The following TTC39C variants were observed in gnomAD, a reference collection of about 807,000 sequenced individuals.
TTC39C encodes the protein tetratricopeptide repeat domain 39C.
In TTC39C, 33 loss-of-function variants were observed where a neutral mutation model predicts 76.3. That is an observed-to-expected ratio of 0.43 (90% CI 0.33 to 0.58). The LOEUF is 0.58. TTC39C is among the 20% of genes least tolerant of loss of function. The probability of loss-of-function intolerance (pLI) is 0.04; values close to 1 mark genes in which losing one functional copy is unlikely to be tolerated. For missense variants in TTC39C, 595 were observed against 701.4 expected, an observed-to-expected ratio of 0.85 and a Z score of 1.71; for synonymous variants, 254 against 260.6, an observed-to-expected ratio of 0.97 and a Z score of 0.24.
At chr18:24,092,204 AT>A (rs1270581390) in intron 6 of TTC39C, among the ~76,000 whole-genome samples, 1 of 151,992 alleles carries the variant, frequency 6.6e-6, no homozygotes, top group Non-Finnish European at 1.5e-5. Flanking sequence ...AAGGAAACAA[AT>A]CAAAACCAAG....
intron 1 of TTC39C, among the ~76,000 whole-genome samples, chr18:24,038,456 T>C (rs76616099): frequency 6.6e-6 from 1 of 152,106 alleles, no homozygotes; most frequent in East Asian, 1.9e-4. Flanking sequence ...CTAATTTTTG[T>C]AGTTTTTGTA....
chr18:24,132,068 G>A (rs1490445869), intron 13 of TTC39C, 148 bp downstream of exon 13: 4 of 680,778 alleles, frequency 5.9e-6, no homozygotes, highest in African/African-American at 3.7e-5. Context: ...GAATCAGTGA[G>A]CTCTTGAGTT....
At chr18:24,118,087 T>G (rs962943514) in intron 7 of TTC39C, 38 bp from the exon 8 acceptor site, 1 of 1,557,014 alleles carries the variant, frequency 6.4e-7, no homozygotes. Flanking sequence ...TAGAGCTCAG[T>G]ACTTTAGGGT....
At chr18:24,068,175 G>A (rs2084191647) in intron 3 of TTC39C, among the ~76,000 whole-genome samples, 3 of 152,150 alleles carry the variant, frequency 2.0e-5, no homozygotes, top group Admixed American at 2.0e-4. Context: ...ATGAGTCCTT[G>A]CAATTTAAAA....
intron 12 of TTC39C, 116 bp from the exon 13 acceptor site, chr18:24,131,766 G>C (rs528660293): frequency 2.7e-6 from 2 of 742,550 alleles, no homozygotes; most frequent in East Asian, 5.5e-5. Context: ...ATGAACAGTT[G>C]ACTCATTGCT....
chr18:24,095,544 C>T (rs1051095834), intron 6 of TTC39C, among the ~76,000 whole-genome samples: 5 of 151,952 alleles, frequency 3.3e-5, no homozygotes, highest in African/African-American at 1.2e-4. Context: ...ACTAAAAATA[C>T]AAAAATTAGC....
chr18:24,088,024 G>T (rs1346770691), intron 6 of TTC39C, among the ~76,000 whole-genome samples: 1 of 152,190 alleles, frequency 6.6e-6, no homozygotes, highest in Non-Finnish European at 1.5e-5. Context: ...CAGAAATGAT[G>T]TTGGTTATCA....
In TTC39C at chr18:24,040,029, C is replaced by G. The variant is rs554648029; in HGVS notation, c.168-24111C>G. Among the ~76,000 whole-genome samples the G allele has an allele frequency of 2.0e-5, 3 of 152,258 alleles. No homozygotes were observed. In the East Asian group the frequency reaches 5.8e-4, roughly 29 times the overall value. On this transcript the variant is annotated intron_variant, in intron 1 of 13. Coordinates refer to ENST00000317571, the MANE Select transcript of TTC39C (RefSeq NM_001135993.2). Reference sequence around the variant, plus strand: ...AAATGTTACACCAATTATTTTAACTCTCTTGGGAAAGAAATGTATGTAGTA... The same window carrying G: ...AAATGTTACACCAATTATTTTAACTGTCTTGGGAAAGAAATGTATGTAGTA...
At chr18:24,002,780 GC>G (rs919880654) in intron 1 of TTC39C, among the ~76,000 whole-genome samples, 50 of 152,130 alleles carry the variant, frequency 3.3e-4, no homozygotes, top group African/African-American at 1.1e-3. Context: ...CCCTGCAGAT[GC>G]CTGAGATCCA....
At chr18:24,040,101 G>A (rs4239439) in intron 1 of TTC39C, among the ~76,000 whole-genome samples, 90,220 of 152,062 alleles carry the variant, frequency 0.59, 30,952 homozygotes, top group Non-Finnish European at 0.79. Context: ...GTAATCGGAG[G>A]CCTCTTGATT....
chr18:24,080,553 T>C (rs1385341045), intron 4 of TTC39C, 32 bp from the exon 5 acceptor site: 1 of 1,490,246 alleles, frequency 6.7e-7, no homozygotes, highest in East Asian at 2.3e-5. Flanking sequence ...ATTTTGAATG[T>C]TTTTGAATCT....
intron 6 of TTC39C, among the ~76,000 whole-genome samples, chr18:24,093,597 C>T (rs537371747): frequency 1.3e-5 from 2 of 152,092 alleles, no homozygotes; most frequent in South Asian, 4.1e-4. Flanking sequence ...CTAAGATATA[C>T]AGGCATACAT....
intron 6 of TTC39C, among the ~76,000 whole-genome samples, chr18:24,092,123 A>AAAAAAAAAAT (rs1555775346): frequency 2.0e-5 from 1 of 50,504 alleles, no homozygotes; most frequent in African/African-American, 5.0e-5. Flanking sequence ...AAAAAAAAAA[A>AAAAAAAAAAT]AATAATAATA....
At chr18:24,077,373 A>G (rs1331872500) in intron 4 of TTC39C, 1 of 152,172 alleles carries the variant, frequency 6.6e-6, no homozygotes, top group Non-Finnish European at 1.5e-5. Flanking sequence ...TGCACTCTCT[A>G]ATTTATTTAT....
chr18:24,019,886 C>A, intron 1 of TTC39C: 1 of 1,526,800 alleles, frequency 6.5e-7, no homozygotes. Flanking sequence ...TCTGAGAAAA[C>A]CTCAGCGCTT....
intron 3 of TTC39C, 128 bp from the exon 4 acceptor site, chr18:24,069,029 C>T: frequency 1.4e-6 from 1 of 697,486 alleles, no homozygotes; most frequent in Non-Finnish European, 2.4e-6. Flanking sequence ...TAAATTTGGG[C>T]TTGGCTTTGA....
intron 1 of TTC39C, among the ~76,000 whole-genome samples, chr18:24,058,449 G>A (rs753609573): frequency 6.6e-6 from 1 of 152,128 alleles, no homozygotes; most frequent in Non-Finnish European, 1.5e-5. Flanking sequence ...GAAGTCTGGC[G>A]TTTGAGACCA....
chr18:24,020,413 A>G (rs1311719699), intron 1 of TTC39C: 8 of 601,444 alleles, frequency 1.3e-5, no homozygotes, highest in Non-Finnish European at 1.7e-5. Context: ...CAAGTGTACA[A>G]GAAACACTTG....
Position 24,014,886 on chromosome 18 carries a change from G to A in TTC39C, c.15G>A (p.Glu5=). ...CTCGCACGCCCATGGCCGGCTCGGA[G>A]CAGCAGCGGCCGCGGCGGCGGGACG... MAGS[E]QQRPRRRDDG... The change falls in exon 1 of 14, where the codon GAG becomes GAA. Residue 5 remains glutamate (E), a synonymous_variant. Transcript: ENST00000317571. 1 of 1,473,334 alleles carries A rather than the reference G, an allele frequency of 6.8e-7. No individual in the cohort carries two copies. Among genetic ancestry groups the A allele is most frequent in the Non-Finnish European group, 9.0e-7 (1 of 1,113,060 alleles). 91.3% of individuals were successfully genotyped at this position (1,473,334 alleles called of 1,614,324 possible).
Sources: gnomAD v4.1 joint callset for allele counts (sites outside exome capture counted in the v4.1 genomes callset) on GRCh38, gnomAD v4.1.1 for gene constraint, MANE v1.5 for transcripts, NCBI Gene and HGNC (gene_info 2026-07-23, HGNC 2026-07-21) for gene names.